The following CACNA2D3 variants were observed in gnomAD, a reference collection of about 807,000 sequenced individuals.
CACNA2D3 encodes the protein voltage-dependent calcium channel subunit alpha-2/delta-3.
Under a neutral mutation model 160.6 loss-of-function variants are expected in CACNA2D3, and 60 were observed. That is an observed-to-expected ratio of 0.37 (90% CI 0.30 to 0.46). CACNA2D3 has a LOEUF of 0.46. CACNA2D3 is among the 20% of genes least tolerant of loss of function. CACNA2D3 has a pLI of 1.00. For missense variants in CACNA2D3, 1,205 were observed against 1,365.0 expected (o/e 0.88, Z 1.85); for synonymous variants, 558 against 492.9 (o/e 1.13, Z -1.75).
intron 11 of CACNA2D3, among the ~76,000 whole-genome samples, chr3:54,726,892 A>G (rs1199504101): frequency 1.3e-5 from 2 of 152,250 alleles, no homozygotes; most frequent in Non-Finnish European, 2.9e-5. Flanking sequence ...AGCAATGGCA[A>G]CAAAAGCCAA....
chr3:54,207,776 C>G (rs1701299204), intron 2 of CACNA2D3, among the ~76,000 whole-genome samples: 1 of 152,072 alleles, frequency 6.6e-6, no homozygotes, highest in Non-Finnish European at 1.5e-5. Flanking sequence ...AATCTCTTCT[C>G]TGTGTCACTT....
intron 13 of CACNA2D3, among the ~76,000 whole-genome samples, chr3:54,773,813 T>C (rs1702365514): frequency 6.6e-6 from 1 of 152,194 alleles, no homozygotes; most frequent in African/African-American, 2.4e-5. Flanking sequence ...TATAAAACCA[T>C]GAATTGATGA....
intron 2 of CACNA2D3, among the ~76,000 whole-genome samples, chr3:54,200,567 G>C (rs1255233600): frequency 6.6e-6 from 1 of 152,208 alleles, no homozygotes; most frequent in African/African-American, 2.4e-5. Flanking sequence ...TTTCTCTGTG[G>C]TATCAGTTCC....
At chr3:55,067,082 C>T (rs1450541734) in intron 35 of CACNA2D3, among the ~76,000 whole-genome samples, 3 of 149,920 alleles carry the variant, frequency 2.0e-5, no homozygotes, top group Admixed American at 6.9e-5. Context: ...TTAATCTTTC[C>T]GCTGGCAATC....
At chr3:54,145,429 G>A (rs527799818) in intron 2 of CACNA2D3, among the ~76,000 whole-genome samples, 3 of 152,188 alleles carry the variant, frequency 2.0e-5, no homozygotes, top group Non-Finnish European at 4.4e-5. Context: ...GAAAAATGGG[G>A]AGCTCTAGAC....
At chr3:54,136,189 T>C (rs978683595) in intron 2 of CACNA2D3, among the ~76,000 whole-genome samples, 1 of 152,228 alleles carries the variant, frequency 6.6e-6, no homozygotes, top group Non-Finnish European at 1.5e-5. Context: ...AGCCAAAATA[T>C]TTGGTCCCAG....
intron 11 of CACNA2D3, among the ~76,000 whole-genome samples, chr3:54,745,501 C>T (rs192343017): frequency 6.6e-6 from 1 of 152,348 alleles, no homozygotes; most frequent in East Asian, 1.9e-4. Context: ...AGGCCTCAGA[C>T]ATCAGAGCAA....
chr3:54,927,995 T>G (rs751202247), intron 27 of CACNA2D3: 10 of 1,269,142 alleles, frequency 7.9e-6, no homozygotes, highest in African/African-American at 1.5e-5. Context: ...CATGGCAGAC[T>G]CAGAGCCCAG....
chr3:54,535,315 T>C (rs11708915), intron 5 of CACNA2D3, among the ~76,000 whole-genome samples: 96,608 of 152,160 alleles, frequency 0.63, 30,915 homozygotes, highest in South Asian at 0.66. Flanking sequence ...TAGGACTCAC[T>C]GCTTTAAAAT....
At chr3:54,933,049 C>A (rs1046106563) in intron 27 of CACNA2D3, among the ~76,000 whole-genome samples, 21 of 135,366 alleles carry the variant, frequency 1.6e-4, no homozygotes, top group Admixed American at 4.3e-4. Flanking sequence ...CCATCCATCC[C>A]TCCCTTCCTT....
At position 54,353,777 on chromosome 3, in the gene CACNA2D3, T is replaced by G. The variant is rs191448626; in HGVS notation, c.322-32938T>G. 2.1e-3 allele frequency among the ~76,000 whole-genome samples: 322 copies of G among 152,290 alleles called. 1 individual carries two copies. Among genetic ancestry groups the G allele is most frequent in the African/African-American group, 7.0e-3 (289 of 41,572 alleles). On this transcript the variant is annotated intron_variant, in intron 3 of 37. Transcript: ENST00000474759. ...TTAGCCAAGCCATCTCCCTGCAGAC[T>G]TGGGCTTCTTGCCACCTGGTCCTGG...
At chr3:54,636,955 A>T (rs1484733860) in intron 10 of CACNA2D3, among the ~76,000 whole-genome samples, 1 of 151,972 alleles carries the variant, frequency 6.6e-6, no homozygotes, top group Non-Finnish European at 1.5e-5. Context: ...GCAAAGGAAT[A>T]GTAAAGAAAG....
At chr3:54,759,804 TC>T (rs1702046642) in intron 12 of CACNA2D3, among the ~76,000 whole-genome samples, 1 of 152,204 alleles carries the variant, frequency 6.6e-6, no homozygotes, top group Non-Finnish European at 1.5e-5. Flanking sequence ...TGAGCTGCTC[TC>T]CTGTCCCTTC....
At chr3:54,925,066 G>A (rs200259100) in intron 27 of CACNA2D3, 66 of 1,614,090 alleles carry the variant, frequency 4.1e-5, no homozygotes, top group Admixed American at 2.0e-4. Flanking sequence ...TGCAGCGTTC[G>A]AGTCTGAGGA....
chr3:54,353,243 T>C (rs994239751), intron 3 of CACNA2D3, among the ~76,000 whole-genome samples: 3 of 152,144 alleles, frequency 2.0e-5, no homozygotes, highest in Non-Finnish European at 2.9e-5. Flanking sequence ...GCAGTATAGT[T>C]AGGGAAGCAG....
chr3:54,226,842 C>G (rs1191874224), intron 2 of CACNA2D3, among the ~76,000 whole-genome samples: 1 of 152,128 alleles, frequency 6.6e-6, no homozygotes, highest in Non-Finnish European at 1.5e-5. Flanking sequence ...TTTGGCCTCT[C>G]AACTTCTGGC....
chr3:54,742,556 A>G (rs991948367), intron 11 of CACNA2D3, among the ~76,000 whole-genome samples: 30 of 152,154 alleles, frequency 2.0e-4, no homozygotes, highest in Non-Finnish European at 2.9e-5. Context: ...CTTTGTGCCA[A>G]CTTGTCCACC....
At chr3:54,834,355 G>C (rs190465393) in intron 14 of CACNA2D3, among the ~76,000 whole-genome samples, 1 of 152,170 alleles carries the variant, frequency 6.6e-6, no homozygotes, top group Admixed American at 6.5e-5. Flanking sequence ...TAGCATTAAC[G>C]ATTAATCAAG....
chr3:54,763,789 GTATATATATGTA>G (rs1702147494), intron 12 of CACNA2D3, among the ~76,000 whole-genome samples: 1 of 29,520 alleles, frequency 3.4e-5, no homozygotes, highest in African/African-American at 1.0e-4. Flanking sequence ...ACATATATAT[GTATATATATGTA>G]CATATATATA....
Sources: gnomAD v4.1 joint callset for allele counts (sites outside exome capture counted in the v4.1 genomes callset) on GRCh38, gnomAD v4.1.1 for gene constraint, MANE v1.5 for transcripts, NCBI Gene and HGNC (gene_info 2026-07-23, HGNC 2026-07-21) for gene names.